Variants in PRKDC observed in about 807,000 individuals in gnomAD.
PRKDC encodes the protein protein kinase, DNA-activated, catalytic subunit, also known as DNA-dependent protein kinase catalytic subunit.
A neutral mutation model predicts 486.9 loss-of-function variants in PRKDC; 82 were observed. The observed-to-expected ratio is 0.17, with a 90% confidence interval of 0.14 to 0.20. The LOEUF is 0.20. Ranked by LOEUF, PRKDC falls within the 10% of genes least tolerant of loss-of-function variation. The pLI, the probability that PRKDC is intolerant of heterozygous loss-of-function variation, is 1.00. For synonymous variants in PRKDC, 1,895 were observed against 1,837.0 expected, an observed-to-expected ratio of 1.03 and a Z score of -0.81; for missense variants, 4,504 against 5,038.2, an observed-to-expected ratio of 0.89 and a Z score of 3.21.
intron 25 of PRKDC, among the ~76,000 whole-genome samples, chr8:47,905,482 G>A (rs1037734168): frequency 1.3e-5 from 2 of 151,970 alleles, no homozygotes; most frequent in Non-Finnish European, 2.9e-5. Flanking sequence ...GATCTTGAAC[G>A]TGCACACAAG....
rs754562476 is a variant in PRKDC at position 47,902,653 on chromosome 8, C to T, written c.3185G>A (p.Arg1062Gln). 6.2e-6 allele frequency: 10 copies of T among 1,613,702 alleles called. No homozygotes were observed. Among genetic ancestry groups the T allele is most frequent in the East Asian group, 2.2e-5 (1 of 44,882 alleles). ...GGGGTGAAGCGCAAGGCTATAAAGT[C>T]GCTTGAAAAGCGATTTGGTGTTTAC... ...SPVNTKSLFKRLYSLALHPNA... is the reference protein window; with the variant it reads ...SPVNTKSLFKQLYSLALHPNA... Residue 1062 changes from arginine to glutamine, a missense_variant, in exon 27 of 86, where the codon CGA (arginine) becomes CAA (glutamine). Physicochemically the swap from Arg to Gln is conservative, Grantham distance 43. This residue lies in a region of PRKDC where 1,969 missense variants were observed against 2,068.9 expected (regional missense o/e 0.95). Transcript: ENST00000314191.
rs753284909 is a variant in PRKDC at position 47,936,485 on chromosome 8, G to A, written c.1146C>T (p.Asp382=). ...GCTGAATGAGCTCAACGTACATGAA[G>A]TCAACATCTTTTGCGTTTATAACCT... ...PCKVINAKDV[D]FMYVELIQRC... Residue 382 remains aspartate, a synonymous_variant, in exon 12 of 86, where the codon GAC becomes GAT. Coordinates refer to ENST00000314191, the MANE Select transcript of PRKDC (RefSeq NM_006904.7). The A allele has an allele frequency of 5.0e-6, 8 of 1,614,008 alleles. No homozygotes were observed. The highest frequency in any genetic ancestry group is 5.1e-6 in the Non-Finnish European group (6 of 1,179,898).
At chr8:47,900,712 G>A (rs896627427) in intron 27 of PRKDC, among the ~76,000 whole-genome samples, 8 of 152,140 alleles carry the variant, frequency 5.3e-5, no homozygotes, top group Non-Finnish European at 1.0e-4. Context: ...AGCTGGGCGC[G>A]GTGGCAGGCG....
In PRKDC at chr8:47,935,909, A is replaced by T. The variant is rs1279381511; in HGVS notation, c.1279-9T>A. 6.2e-7 allele frequency: 1 copy of T among 1,609,144 alleles called. No individual in the cohort carries two copies. Among genetic ancestry groups the T allele is most frequent in the South Asian group, 1.1e-5 (1 of 90,208 alleles). ...GTATACACCTCAGGAACCTACCGGA[A>T]ATAATCAGCAAACCGTGAGTTAGAG... is the stretch of plus-strand genomic sequence containing the variant. On this transcript the variant is annotated splice_polypyrimidine_tract_variant and intron_variant, in intron 12 of 85. Coordinates refer to ENST00000314191, the MANE Select transcript of PRKDC (RefSeq NM_006904.7).
In PRKDC at chr8:47,837,121, G is replaced by C. The variant is rs982806892; in HGVS notation, c.7761+91C>G. 1.3e-5 allele frequency: 17 copies of C among 1,308,754 alleles called. No individual in the cohort carries two copies. In the African/African-American group the frequency reaches 1.8e-4, roughly 14 times the overall value. 81.1% of individuals were successfully genotyped at this position (1,308,754 alleles called of 1,614,324 possible). A position where few individuals can be genotyped will look rare whatever the true frequency, so the allele number is the denominator to read the frequency against. Reference sequence around the variant, plus strand: ...TTTCAGAAAGGAATGTGTATTCTGAGAAGGCAAAGAGCCAGTCAAAGCTAT... The same window carrying C: ...TTTCAGAAAGGAATGTGTATTCTGACAAGGCAAAGAGCCAGTCAAAGCTAT... On this transcript the variant is annotated intron_variant, in intron 57 of 85. Coordinates refer to ENST00000314191, the MANE Select transcript of PRKDC (RefSeq NM_006904.7).
chr8:47,929,019 C>T (rs1158432476), intron 19 of PRKDC, 73 bp downstream of exon 19: 1 of 1,161,212 alleles, frequency 8.6e-7, no homozygotes, highest in Non-Finnish European at 1.2e-6. Context: ...TTTATGATCA[C>T]TAGGATTTTT....
chr8:47,888,693 C>T (rs186378585), intron 33 of PRKDC, 43 bp from the exon 34 acceptor site: 114 of 1,513,390 alleles, frequency 7.5e-5, no homozygotes, highest in East Asian at 1.6e-4. Flanking sequence ...GCTCTGATCT[C>T]GTTAAATTAT....
rs780536289 is a variant in PRKDC at position 47,955,885 on chromosome 8, G to C, written c.388C>G (p.Leu130Val). The C allele has an allele frequency of 3.8e-6, 6 of 1,595,498 alleles. No individual in the cohort carries two copies. The South Asian group carries it at 5.6e-5, about 15-fold the overall frequency. Residue 130 changes from leucine to valine, a missense_variant, in exon 4 of 86, where the codon CTT becomes GTT. Leu to Val is a conservative substitution (Grantham distance 32, BLOSUM62 1). This residue lies in a region of PRKDC where 12 missense variants were observed against 31.1 expected (regional missense o/e 0.39). Transcript: ENST00000314191. ...AGAAACATAATTACCTTAATAAGAA[G>C]GTCCAGGGCTGGAATTTTACATTTA... Reference protein sequence around the residue: ...AAKCKIPALDLLIKLLQTFRS... With the variant: ...AAKCKIPALDVLIKLLQTFRS...
At chr8:47,872,826 A>C (rs1178538714) in intron 40 of PRKDC, among the ~76,000 whole-genome samples, 2 of 152,208 alleles carry the variant, frequency 1.3e-5, no homozygotes, top group Non-Finnish European at 2.9e-5. Flanking sequence ...ACAGACCATA[A>C]TGCAACAACA....
In PRKDC at chr8:47,944,061, C is replaced by T. The variant is rs773119221; in HGVS notation, c.722-32G>A. 13 of 1,511,808 alleles carry T rather than the reference C, an allele frequency of 8.6e-6. No individual in the cohort carries two copies. In the South Asian group the frequency reaches 1.3e-4, roughly 15 times the overall value. 93.6% of individuals were successfully genotyped at this position (1,511,808 alleles called of 1,614,324 possible). ...AAATACCAAGAAGCCTGTTACAAAT[C>T]GTAATAACAGTATCACATAACACAC... On this transcript the variant is annotated intron_variant, in intron 7 of 85. Transcript: ENST00000314191.
intron 25 of PRKDC, among the ~76,000 whole-genome samples, chr8:47,908,593 C>T (rs1336688439): frequency 1.3e-5 from 2 of 152,102 alleles, no homozygotes; most frequent in Non-Finnish European, 1.5e-5. Context: ...TGAAATGCTA[C>T]GAGTCTACTT....
At chr8:47,937,858 G>C (rs770224219) in intron 11 of PRKDC, among the ~76,000 whole-genome samples, 1 of 152,220 alleles carries the variant, frequency 6.6e-6, no homozygotes, top group Non-Finnish European at 1.5e-5. Flanking sequence ...GCTTACAGCT[G>C]TAAGTCCAGT....
Position 47,800,940 on chromosome 8 carries a change from G to A in PRKDC, c.9969C>T (p.Phe3323=), listed in dbSNP as rs1563741461. ...TACCCAAGAGAATGTTCTGGTCACG[G>A]AAAGCCAGAATATTTTTGCTTAAGT... The part of the protein sequence containing the change: ...SSYLSKNILA[F]RDQNILLGTT... The change falls in exon 71 of 86, where the codon TTC becomes TTT. Residue 3323 remains phenylalanine, a synonymous_variant. Coordinates refer to ENST00000314191, the MANE Select transcript of PRKDC (RefSeq NM_006904.7). The A allele has an allele frequency of 1.2e-6, 2 of 1,613,932 alleles. No homozygotes were observed. Among genetic ancestry groups the A allele is most frequent in the South Asian group, 2.2e-5 (2 of 91,062 alleles).
rs149170609 is a variant in PRKDC, at chr8:47,909,461, C to T, written c.2934+2949G>A. On this transcript the variant is annotated intron_variant, in intron 25 of 85. Coordinates refer to ENST00000314191, the MANE Select transcript of PRKDC (RefSeq NM_006904.7). ...ATGTACATCACCTCAGGACCACTAC[C>T]GTACAAATTGATTGTAAAATATGTG... Among the ~76,000 whole-genome samples the T allele has an allele frequency of 3.9e-3, 588 of 152,182 alleles. 4 individuals carry two copies. The highest frequency in any genetic ancestry group is 0.025 in the South Asian group (121 of 4,820).
At chr8:47,858,036 C>A (rs966999014) in intron 48 of PRKDC, among the ~76,000 whole-genome samples, 1 of 152,200 alleles carries the variant, frequency 6.6e-6, no homozygotes, top group Non-Finnish European at 1.5e-5. Context: ...CCTTCCCTGC[C>A]TAGTGCAAAC....
At chr8:47,809,802 T>G (rs887650630) in intron 68 of PRKDC, among the ~76,000 whole-genome samples, 1 of 152,212 alleles carries the variant, frequency 6.6e-6, no homozygotes, top group Non-Finnish European at 1.5e-5. Context: ...ACTGTATGTA[T>G]GCGCAGGGAA....
intron 25 of PRKDC, among the ~76,000 whole-genome samples, chr8:47,905,865 G>A (rs77219845): frequency 0.025 from 3,796 of 152,160 alleles, 70 homozygotes; most frequent in Non-Finnish European, 0.037. Flanking sequence ...CTCCAGGTCT[G>A]GGCTCCTCCC....
intron 73 of PRKDC, among the ~76,000 whole-genome samples, chr8:47,797,618 C>G (rs146491369): frequency 1.4e-3 from 208 of 152,332 alleles, no homozygotes; most frequent in Non-Finnish European, 2.7e-3. Flanking sequence ...AACTACGAAG[C>G]CTTTCAGAGG....
intron 54 of PRKDC, among the ~76,000 whole-genome samples, chr8:47,845,259 A>C (rs1011898931): frequency 1.8e-4 from 28 of 152,310 alleles, no homozygotes; most frequent in Admixed American, 1.4e-3. Flanking sequence ...CCCTAAAGAC[A>C]GCAGAAGAAA....
Sources: allele counts gnomAD v4.1 joint callset (sites outside exome capture counted in the v4.1 genomes callset), GRCh38; gene constraint gnomAD v4.1.1; regional missense constraint gnomAD v4.1.1; transcripts MANE v1.5; gene names NCBI Gene and HGNC (gene_info 2026-07-23, HGNC 2026-07-21).